The following DRC8 variants were observed in gnomAD, a reference collection of about 807,000 sequenced individuals.
DRC8 encodes dynein regulatory complex subunit 8.
chr1:244,970,636 GCTC>G, the DRC8 span: 2 of 346,246 alleles, frequency 5.8e-6, no homozygotes. Flanking sequence ...CCGGCCCGCC[GCTC>G]CGCCCCGCCC....
the DRC8 span, among the ~76,000 whole-genome samples, chr1:245,117,233 T>C: frequency 6.6e-6 from 1 of 151,984 alleles, no homozygotes; most frequent in African/African-American, 2.4e-5. Flanking sequence ...CTTTGTATTT[T>C]AGTAGAGACA....
At chr1:245,116,121 C>T in the DRC8 span, among the ~76,000 whole-genome samples, 8 of 152,024 alleles carry the variant, frequency 5.3e-5, no homozygotes, top group African/African-American at 1.7e-4. Context: ...CTCCTGGCCT[C>T]AAGTGATCCG....
the DRC8 span, among the ~76,000 whole-genome samples, chr1:245,041,532 C>G: frequency 6.6e-6 from 1 of 152,038 alleles, no homozygotes; most frequent in Non-Finnish European, 1.5e-5. Flanking sequence ...GCCAGGCAAG[C>G]TTGGTGGTGG....
At chr1:245,053,714 C>A in the DRC8 span, among the ~76,000 whole-genome samples, 1 of 152,196 alleles carries the variant, frequency 6.6e-6, no homozygotes, top group African/African-American at 2.4e-5. Context: ...TTAATGCCTG[C>A]AAGATGTCAA....
chr1:245,047,609 T>C, the DRC8 span, among the ~76,000 whole-genome samples: 1 of 134,868 alleles, frequency 7.4e-6, no homozygotes, highest in Non-Finnish European at 1.5e-5. Flanking sequence ...CACTCCAGCC[T>C]GGTCGAGAGA....
chr1:244,974,475 G>A, the DRC8 span, among the ~76,000 whole-genome samples: 2 of 152,232 alleles, frequency 1.3e-5, no homozygotes, highest in African/African-American at 4.8e-5. Flanking sequence ...TTGATAAAGT[G>A]CCTCTAATTC....
chr1:245,011,786 A>T, the DRC8 span, among the ~76,000 whole-genome samples: 1 of 152,250 alleles, frequency 6.6e-6, no homozygotes, highest in African/African-American at 2.4e-5. Flanking sequence ...GTTAAGTTTC[A>T]TGATTGTAGA....
the DRC8 span, among the ~76,000 whole-genome samples, chr1:245,031,392 T>C: frequency 6.6e-6 from 1 of 151,956 alleles, no homozygotes; most frequent in African/African-American, 2.4e-5. Context: ...GAAATGTGGA[T>C]GGAGGTAATG....
At chr1:245,005,464 C>A in the DRC8 span, among the ~76,000 whole-genome samples, 2 of 151,842 alleles carry the variant, frequency 1.3e-5, no homozygotes, top group Admixed American at 6.6e-5. Flanking sequence ...TTTTCTCATG[C>A]CTCAGCCTCC....
the DRC8 span, chr1:244,970,465 G>C: frequency 6.6e-7 from 1 of 1,524,346 alleles, no homozygotes; most frequent in Non-Finnish European, 8.7e-7. Context: ...GAGCCGGGGA[G>C]CCGCTGCCCT....
the DRC8 span, among the ~76,000 whole-genome samples, chr1:244,998,754 G>A: frequency 3.9e-5 from 6 of 152,152 alleles, no homozygotes; most frequent in Admixed American, 3.3e-4. Context: ...TAATGCCATG[G>A]CACTAGGACA....
chr1:244,970,638 T>TCTCCC, the DRC8 span: 5 of 486,442 alleles, frequency 1.0e-5, no homozygotes, highest in Non-Finnish European at 1.3e-5. Context: ...GGCCCGCCGC[T>TCTCCC]CCGCCCCGCC....
chr1:245,039,239 A>T, the DRC8 span, among the ~76,000 whole-genome samples: 1 of 140,206 alleles, frequency 7.1e-6, no homozygotes, highest in Non-Finnish European at 1.5e-5. Flanking sequence ...ATAATTTTAG[A>T]GTTATATAAA....
the DRC8 span, chr1:245,075,748 T>G: frequency 1.3e-5 from 2 of 152,252 alleles, no homozygotes; most frequent in African/African-American, 4.8e-5. Context: ...TTTAAATTAT[T>G]ACTCCACGTT....
chr1:245,087,384 T>A, the DRC8 span: 1 of 1,563,234 alleles, frequency 6.4e-7, no homozygotes, highest in South Asian at 1.2e-5. Flanking sequence ...AATTTCTGAT[T>A]GAAAGAACAA....
chr1:244,992,093 T>C, the DRC8 span, among the ~76,000 whole-genome samples: 1 of 152,230 alleles, frequency 6.6e-6, no homozygotes, highest in East Asian at 1.9e-4. Flanking sequence ...GTATCTGTGA[T>C]TGCACGCTGT....
chr1:245,050,567 A>C, the DRC8 span, among the ~76,000 whole-genome samples: 1 of 152,170 alleles, frequency 6.6e-6, no homozygotes, highest in East Asian at 1.9e-4. Flanking sequence ...TGGGGACAAT[A>C]ATAGTACCTA....
At chr1:245,064,900 T>G in the DRC8 span, among the ~76,000 whole-genome samples, 1 of 152,098 alleles carries the variant, frequency 6.6e-6, no homozygotes, top group Non-Finnish European at 1.5e-5. Flanking sequence ...TTTACGTTGG[T>G]GTAAACACAT....
chr1:245,085,506 A>G, the DRC8 span, among the ~76,000 whole-genome samples: 1,011 of 152,296 alleles, frequency 6.6e-3, 15 homozygotes, highest in African/African-American at 0.023. Flanking sequence ...AGGAATGAAC[A>G]TGCTATTTCA....
Sources: gnomAD v4.1 joint callset for allele counts (sites outside exome capture counted in the v4.1 genomes callset) on GRCh38, gnomAD v4.1.1 for gene constraint, MANE v1.5 for transcripts, NCBI Gene and HGNC (gene_info 2026-07-23, HGNC 2026-07-21) for gene names.